CLEC2A: variants seen among roughly 807,000 people sequenced by gnomAD.
CLEC2A encodes the protein C-type lectin domain family 2 member A.
CLEC2A carries 19 observed loss-of-function variants against 18.6 expected under a neutral mutation model. That is an observed-to-expected ratio of 1.02 (90% CI 0.71 to 1.50). The LOEUF is 1.50. CLEC2A is among the 40% of genes most tolerant of loss of function. CLEC2A has a pLI of 0.00. For missense variants in CLEC2A, 190 were observed against 207.9 expected, an observed-to-expected ratio of 0.91 and a Z score of 0.53; for synonymous variants, 74 against 64.0, an observed-to-expected ratio of 1.16 and a Z score of -0.75.
At chr12:9,911,446 G>A (rs1020189375), downstream of CLEC2A, among the ~76,000 whole-genome samples, 2 of 152,200 alleles carry the variant, frequency 1.3e-5, no homozygotes, top group African/African-American at 4.8e-5. Context: ...TATGTTGCCA[G>A]ACCTTACCAG....
chr12:9,902,506 T>A (rs1162422754), intron 4 of CLEC2A, among the ~76,000 whole-genome samples: 1 of 152,022 alleles, frequency 6.6e-6, no homozygotes, highest in African/African-American at 2.4e-5. Context: ...GTGCTGGGAT[T>A]ATAGATGTGA....
In CLEC2A at chr12:9,916,759, T is replaced by C; in HGVS notation, c.351A>G (p.Gly117=). Residue 117 remains glycine (G), a synonymous_variant, in exon 4 of 5, where the codon GGA becomes GGG. Transcript: ENST00000455827. ...AAGAATCTCCTTGTTTCCTGCTTAG[T>C]CCAATCCAGTGCATATCAGTTCCTG... ...RYAGTDMHWI[G]LSRKQGDSWK... is the part of the protein sequence containing the mutation. 3.2e-6 allele frequency: 5 copies of C among 1,551,548 alleles called. No individual in the cohort carries two copies. The highest frequency in any genetic ancestry group is 1.4e-5 in the African/African-American group (1 of 73,170).
the CLEC2A span, among the ~76,000 whole-genome samples, chr12:9,885,738 AT>A: frequency 3.3e-5 from 5 of 152,000 alleles, no homozygotes; most frequent in African/African-American, 1.2e-4. Flanking sequence ...TACTTAATGT[AT>A]TTTTTCTCTA....
chr12:9,902,411 G>T (rs111818063), intron 4 of CLEC2A, among the ~76,000 whole-genome samples: 227 of 151,860 alleles, frequency 1.5e-3, no homozygotes, highest in African/African-American at 5.4e-3. Context: ...TTTTGAATTT[G>T]TAGTAGAAAC....
chr12:9,902,174 T>C (rs1368250485), intron 4 of CLEC2A, among the ~76,000 whole-genome samples: 2 of 148,684 alleles, frequency 1.3e-5, no homozygotes, highest in Non-Finnish European at 3.0e-5. Flanking sequence ...AATTTTTAAC[T>C]TTAAGGTAAA....
chr12:9,932,305 C>A lies in CLEC2A; in HGVS notation c.25G>T (p.Gly9Cys). Residue 9 changes from glycine (G) to cysteine (C), a missense_variant, in exon 1 of 5, where the codon GGC becomes TGC. Coordinates refer to ENST00000455827, the MANE Select transcript of CLEC2A (RefSeq NM_001130711.2). ...CGATGTATGAAGCCATCAGCTCTGC[C>A]ATCCCGCAGCTCTGGATTAATCATG... Reference protein sequence around the residue: MINPELRDGRADGFIHRIV... With the variant: MINPELRDCRADGFIHRIV... 6.4e-7 allele frequency: 1 copy of A among 1,551,912 alleles called. No individual in the cohort carries two copies. The highest frequency in any genetic ancestry group is 8.7e-7 in the Non-Finnish European group (1 of 1,146,930).
the CLEC2A span, chr12:9,888,655 T>C: frequency 7.7e-6 from 6 of 774,360 alleles, no homozygotes; most frequent in Non-Finnish European, 1.3e-5. Flanking sequence ...CATTTTCTGC[T>C]GGTACTTTAT....
At chr12:9,915,110 G>A (rs580017) in intron 4 of CLEC2A, among the ~76,000 whole-genome samples, 111,154 of 151,894 alleles carry the variant, frequency 0.73, 41,057 homozygotes, top group African/African-American at 0.81. Flanking sequence ...AAAGCTCAAC[G>A]TCACTGATCT....
the CLEC2A span, among the ~76,000 whole-genome samples, chr12:9,881,943 G>T: frequency 6.6e-6 from 1 of 151,972 alleles, no homozygotes; most frequent in African/African-American, 2.4e-5. Context: ...CTGAAAAATT[G>T]TGTTTTTACA....
the CLEC2A span, among the ~76,000 whole-genome samples, chr12:9,892,060 TG>T: frequency 6.6e-6 from 1 of 152,218 alleles, no homozygotes; most frequent in Non-Finnish European, 1.5e-5. Flanking sequence ...GTGGAGGATA[TG>T]GAGATTTTTA....
the CLEC2A span, among the ~76,000 whole-genome samples, chr12:9,887,143 T>G: frequency 6.6e-6 from 1 of 151,810 alleles, no homozygotes; most frequent in African/African-American, 2.4e-5. Context: ...AAAGTAGATA[T>G]AAAATAATGA....
intron 3 of CLEC2A, among the ~76,000 whole-genome samples, chr12:9,921,256 G>T (rs1048326542): frequency 6.6e-6 from 1 of 152,128 alleles, no homozygotes; most frequent in Non-Finnish European, 1.5e-5. Context: ...GGCACTGACC[G>T]CCTGTGCAGT....
Position 9,913,281 on chromosome 12 carries a change from C to T in CLEC2A, c.*285G>A, listed in dbSNP as rs1863014993. 3.0e-6 allele frequency: 1 copy of T among 330,508 alleles called. No homozygotes were observed. The highest frequency in any genetic ancestry group is 5.0e-6 in the Non-Finnish European group (1 of 199,596). The allele number at this position is 330,508 out of a possible 1,614,324, so 20.5% of individuals were successfully genotyped here. A position where few individuals can be genotyped will look rare whatever the true frequency, so the allele number is the denominator to read the frequency against. ...AACTCATAAATTGAAAGCTAATCAC[C>T]AGTGTGATGGTATTAGGGGATGGAG... On this transcript the variant is annotated 3_prime_UTR_variant, in exon 5 of 5. Coordinates refer to ENST00000455827, the MANE Select transcript of CLEC2A (RefSeq NM_001130711.2).
chr12:9,926,094 G>C (rs953261183), intron 2 of CLEC2A, among the ~76,000 whole-genome samples, 166 bp downstream of exon 2: 1 of 152,182 alleles, frequency 6.6e-6, no homozygotes, highest in Admixed American at 6.5e-5. Flanking sequence ...TTGGGGGAGA[G>C]GCAAGGATTA....
chr12:9,888,471 C>A, the CLEC2A span, among the ~76,000 whole-genome samples: 1 of 150,694 alleles, frequency 6.6e-6, no homozygotes, highest in African/African-American at 2.5e-5. Context: ...GCCTGGGCAA[C>A]AGAGTGAGAC....
At chr12:9,903,145 A>G (rs966581854) in intron 4 of CLEC2A, among the ~76,000 whole-genome samples, 1 of 152,032 alleles carries the variant, frequency 6.6e-6, no homozygotes, top group Non-Finnish European at 1.5e-5. Context: ...CCCTTTGAAG[A>G]GGAATTTATA....
intron 1 of CLEC2A, among the ~76,000 whole-genome samples, chr12:9,930,943 A>G (rs1396617305): frequency 6.6e-6 from 1 of 152,052 alleles, no homozygotes; most frequent in Non-Finnish European, 1.5e-5. Context: ...TTCAAACACT[A>G]TATTTCTATA....
At chr12:9,928,405 G>T (rs548438694) in intron 1 of CLEC2A, among the ~76,000 whole-genome samples, 1 of 152,214 alleles carries the variant, frequency 6.6e-6, no homozygotes, top group Non-Finnish European at 1.5e-5. Flanking sequence ...GGCGGAGGCT[G>T]CAGTGATCAG....
chr12:9,898,861 G>C, exon 5 of CLEC2A: 1 of 706,356 alleles, frequency 1.4e-6, no homozygotes, highest in Middle Eastern at 2.4e-4. Flanking sequence ...GCTGACAGGG[G>C]ACATTGTTTT....
Sources: allele counts gnomAD v4.1 joint callset (sites outside exome capture counted in the v4.1 genomes callset), GRCh38; gene constraint gnomAD v4.1.1; transcripts MANE v1.5; gene names NCBI Gene and HGNC (gene_info 2026-07-23, HGNC 2026-07-21).